The following TAFA2 variants were observed in gnomAD, a reference collection of about 807,000 sequenced individuals.
TAFA2 encodes the protein chemokine-like protein TAFA-2.
A neutral mutation model predicts 18.8 loss-of-function variants in TAFA2; 7 were observed. The observed-to-expected ratio is 0.37, with a 90% confidence interval of 0.21 to 0.70. The LOEUF (loss-of-function observed/expected upper bound fraction) is 0.70, where lower values mean the gene tolerates loss of function less well. Ranked by LOEUF, TAFA2 falls within the 30% of genes least tolerant of loss-of-function variation. TAFA2 has a pLI of 0.53. For missense variants in TAFA2, 122 were observed against 158.1 expected, an observed-to-expected ratio of 0.77 and a Z score of 1.23; for synonymous variants, 60 against 54.2, an observed-to-expected ratio of 1.11 and a Z score of -0.47.
intron 1 of TAFA2, among the ~76,000 whole-genome samples, chr12:62,237,605 C>A: frequency 6.6e-6 from 1 of 152,168 alleles, no homozygotes; most frequent in African/African-American, 2.4e-5. Context: ...TATAAACATA[C>A]ATGTGTTGCT....
intron 1 of TAFA2, among the ~76,000 whole-genome samples, chr12:62,169,675 C>T (rs1180462230): frequency 6.6e-6 from 1 of 151,872 alleles, no homozygotes; most frequent in Non-Finnish European, 1.5e-5. Context: ...TGCAGTGAAA[C>T]CCTGTCGCTA....
chr12:61,967,754 C>T (rs912921890), intron 1 of TAFA2, among the ~76,000 whole-genome samples: 1 of 151,762 alleles, frequency 6.6e-6, no homozygotes, highest in African/African-American at 2.4e-5. Context: ...CAGAATAAAA[C>T]AGACTGATAA....
intron 1 of TAFA2, among the ~76,000 whole-genome samples, chr12:62,164,415 A>G (rs1013884939): frequency 6.6e-6 from 1 of 152,156 alleles, no homozygotes; most frequent in African/African-American, 2.4e-5. Context: ...TAATTATTTC[A>G]TTTAGATTCT....
intron 1 of TAFA2, among the ~76,000 whole-genome samples, chr12:62,185,083 AC>A (rs763889148): frequency 1.3e-5 from 2 of 152,262 alleles, no homozygotes; most frequent in Non-Finnish European, 2.9e-5. Flanking sequence ...ATAAATTCTG[AC>A]CCAATTCTGA....
intron 1 of TAFA2, chr12:62,022,126 A>G: frequency 2.2e-6 from 1 of 465,062 alleles, no homozygotes; most frequent in Non-Finnish European, 4.3e-6. Context: ...CACCAAGAAC[A>G]TTCTGTGTTC....
At chr12:62,140,702 C>T (rs930667937) in intron 1 of TAFA2, among the ~76,000 whole-genome samples, 1 of 152,192 alleles carries the variant, frequency 6.6e-6, no homozygotes, top group African/African-American at 2.4e-5. Context: ...GACACTCTAG[C>T]CACAAGTTTT....
chr12:61,853,250 C>A (rs1873751306), intron 2 of TAFA2, among the ~76,000 whole-genome samples: 2 of 152,132 alleles, frequency 1.3e-5, no homozygotes, highest in African/African-American at 2.4e-5. Flanking sequence ...TACAAAGCAT[C>A]TGCTTTGTAC....
In TAFA2 at chr12:61,857,715, T is replaced by C. The variant is rs151035264; in HGVS notation, c.106+9605A>G. ...TTCCTACTCAGTCCTCCTTCCTTCC[T>C]TCTCTTCTTTCATGGGTGTCAGACC... is the stretch of plus-strand genomic sequence containing the variant. On this transcript the variant is annotated intron_variant, in intron 2 of 4. Transcript: ENST00000416284. Among the ~76,000 whole-genome samples, 36 of 152,246 alleles carry C rather than the reference T, an allele frequency of 2.4e-4. No individual in the cohort carries two copies. In the East Asian group the frequency reaches 6.4e-3, roughly 27 times the overall value.
At chr12:61,770,564 G>A (rs919125242) in intron 2 of TAFA2, among the ~76,000 whole-genome samples, 1 of 152,106 alleles carries the variant, frequency 6.6e-6, no homozygotes, top group African/African-American at 2.4e-5. Context: ...CAAGCTAGAA[G>A]GGATTGGGGT....
intron 1 of TAFA2, among the ~76,000 whole-genome samples, chr12:61,891,816 T>C (rs973576152): frequency 3.3e-5 from 5 of 152,096 alleles, no homozygotes; most frequent in African/African-American, 9.7e-5. Flanking sequence ...AGAGTGATCC[T>C]GGCAGAAGTC....
intron 1 of TAFA2, among the ~76,000 whole-genome samples, chr12:62,073,468 A>C (rs1184052300): frequency 2.0e-5 from 3 of 150,400 alleles, no homozygotes; most frequent in African/African-American, 7.4e-5. Flanking sequence ...CCTTTGAGGT[A>C]GGTGTTATAT....
At chr12:61,880,490 A>G (rs2121268767) in intron 1 of TAFA2, 2 of 533,250 alleles carry the variant, frequency 3.8e-6, no homozygotes. Flanking sequence ...CAAGACTGCC[A>G]CCTACAAGAA....
At chr12:62,070,257 C>T (rs1882594295) in intron 1 of TAFA2, among the ~76,000 whole-genome samples, 1 of 152,214 alleles carries the variant, frequency 6.6e-6, no homozygotes, top group South Asian at 2.1e-4. Context: ...TTTAAGCAAA[C>T]CCCAAGTAAT....
intron 1 of TAFA2, among the ~76,000 whole-genome samples, chr12:62,257,962 TA>T (rs1190701434): frequency 6.6e-6 from 1 of 152,210 alleles, no homozygotes; most frequent in Admixed American, 6.5e-5. Context: ...CTGAGATCAC[TA>T]AAACGTTGAT....
chr12:62,226,835 A>G (rs1450075684), intron 1 of TAFA2, among the ~76,000 whole-genome samples: 1 of 152,176 alleles, frequency 6.6e-6, no homozygotes, highest in Admixed American at 6.5e-5. Flanking sequence ...ACATTTCTCA[A>G]ATCTGGCCCG....
intron 1 of TAFA2, among the ~76,000 whole-genome samples, chr12:62,120,199 G>A (rs897932436): frequency 1.3e-5 from 2 of 152,022 alleles, no homozygotes; most frequent in East Asian, 3.9e-4. Flanking sequence ...ATATAATCAG[G>A]GAGCCATAAA....
intron 1 of TAFA2, among the ~76,000 whole-genome samples, chr12:62,027,397 G>T (rs1286477437): frequency 6.6e-6 from 1 of 152,086 alleles, no homozygotes. Flanking sequence ...TACTAGAGAA[G>T]ATTCAATTAT....
intron 1 of TAFA2, among the ~76,000 whole-genome samples, chr12:62,158,776 T>G (rs188210271): frequency 1.3e-5 from 2 of 152,206 alleles, no homozygotes; most frequent in Non-Finnish European, 2.9e-5. Context: ...AGGTAAGATA[T>G]CTACTTAAAA....
At chr12:62,201,587 A>C (rs780355307) in intron 1 of TAFA2, among the ~76,000 whole-genome samples, 19 of 152,196 alleles carry the variant, frequency 1.2e-4, no homozygotes, top group Non-Finnish European at 2.6e-4. Flanking sequence ...AGGGATGAAG[A>C]CAACTTGATC....
Sources: gnomAD v4.1 joint callset for allele counts (sites outside exome capture counted in the v4.1 genomes callset) on GRCh38, gnomAD v4.1.1 for gene constraint, MANE v1.5 for transcripts, NCBI Gene and HGNC (gene_info 2026-07-23, HGNC 2026-07-21) for gene names.